Variants in TYW5 observed in about 807,000 individuals in gnomAD.
TYW5 encodes the protein tRNA-yW synthesizing protein 5.
TYW5 carries 36 observed loss-of-function variants against 44.4 expected under a neutral mutation model. The observed-to-expected ratio is 0.81, with a 90% CI of 0.62 to 1.07. TYW5 has a LOEUF of 1.07. Among genes scored for constraint, TYW5 ranks in the 50% least tolerant of loss-of-function variants. TYW5 has a pLI of 0.00. For missense variants in TYW5, 354 were observed against 365.7 expected, an observed-to-expected ratio of 0.97 and a Z score of 0.26; for synonymous variants, 121 against 128.1, an observed-to-expected ratio of 0.94 and a Z score of 0.37.
intron 5 of TYW5, among the ~76,000 whole-genome samples, chr2:199,938,517 A>G (rs559282556): frequency 6.6e-5 from 10 of 152,332 alleles, no homozygotes; most frequent in African/African-American, 2.2e-4. Context: ...CCTGAATAAC[A>G]TAACTTTGCA....
In TYW5 at chr2:199,954,433, T is replaced by TTTTG. The variant is rs755763694; in HGVS notation, c.78+956_78+959dup. Among the ~76,000 whole-genome samples, 4 of 151,594 alleles carry TTTTG rather than the reference T, an allele frequency of 2.6e-5. No homozygotes were observed. In the East Asian group the frequency reaches 7.8e-4, roughly 30 times the overall value. ...ACTTTTGTAACACTCAGAATTGTAGTTTTGTTTGTTTGTTTGAGACCGAGT... is the reference window on the plus strand; with the variant it reads ...ACTTTTGTAACACTCAGAATTGTAGTTTTGTTTGTTTGTTTGTTTGAGACCGAGT... On this transcript the variant is annotated intron_variant, in intron 1 of 7. Coordinates refer to ENST00000354611, the MANE Select transcript of TYW5 (RefSeq NM_001039693.3).
At chr2:199,935,692 A>AT (rs1300787821) in intron 7 of TYW5, among the ~76,000 whole-genome samples, 1 of 149,546 alleles carries the variant, frequency 6.7e-6, no homozygotes, top group Non-Finnish European at 1.5e-5. Flanking sequence ...CTGTTAACTT[A>AT]TAATAAGTTT....
intron 5 of TYW5, among the ~76,000 whole-genome samples, chr2:199,938,730 T>C (rs2077440961): frequency 6.6e-6 from 1 of 152,218 alleles, no homozygotes; most frequent in South Asian, 2.1e-4. Flanking sequence ...GAAATACAAA[T>C]GTGAGGAACC....
intron 2 of TYW5, chr2:199,946,581 A>G (rs1487932470): frequency 6.6e-6 from 1 of 152,214 alleles, no homozygotes; most frequent in Non-Finnish European, 1.5e-5. Context: ...ACTACCAATA[A>G]GAAAGAAGTA....
chr2:199,942,848 T>C (rs2077475594), intron 3 of TYW5: 1 of 146,098 alleles, frequency 6.8e-6, no homozygotes, highest in Admixed American at 7.3e-5. Flanking sequence ...AATGTGCTTT[T>C]GAATAACACA....
At chr2:199,955,171 C>T in intron 1 of TYW5, 1 of 532,792 alleles carries the variant, frequency 1.9e-6, no homozygotes, top group Non-Finnish European at 3.3e-6. Flanking sequence ...CATCATCTTG[C>T]TCCCCAGAAA....
At chr2:199,933,785 G>A (rs768434638) in intron 7 of TYW5, among the ~76,000 whole-genome samples, 11 of 152,026 alleles carry the variant, frequency 7.2e-5, no homozygotes, top group Non-Finnish European at 1.3e-4. Flanking sequence ...TTCAAGCTGC[G>A]ATTTGGTTTT....
intron 2 of TYW5, chr2:199,947,985 G>A (rs574921418): frequency 4.8e-5 from 10 of 206,776 alleles, no homozygotes; most frequent in South Asian, 3.6e-4. Flanking sequence ...CCAGCTACTC[G>A]GGAGGCTGAG....
Position 199,936,388 on chromosome 2 carries a change from TA to T in TYW5, c.574+16del, listed in dbSNP as rs769440901. 25 of 1,594,902 alleles carry T rather than the reference TA, an allele frequency of 1.6e-5. No individual in the cohort carries two copies. The highest frequency in any genetic ancestry group is 2.7e-5 in the African/African-American group (2 of 73,762). On this transcript the variant is annotated intron_variant, in intron 6 of 7. Transcript: ENST00000354611. ...TGAATAGACTTTTGAAATATAAACT[TA>T]AAAAAAATCCCATACCTTTTAAATA...
intron 2 of TYW5, chr2:199,947,316 G>C (rs748863252): frequency 1.3e-5 from 2 of 152,160 alleles, no homozygotes; most frequent in Non-Finnish European, 2.9e-5. Context: ...CTCAGAGTTT[G>C]AGAGCTGTTT....
At chr2:199,952,144 G>A (rs923357379) in intron 1 of TYW5, among the ~76,000 whole-genome samples, 18 of 151,650 alleles carry the variant, frequency 1.2e-4, no homozygotes, top group East Asian at 1.9e-4. Context: ...AATTATTCTC[G>A]CCTGCATAAG....
At chr2:199,938,858 G>A in intron 5 of TYW5, 75 bp downstream of exon 5, 1 of 1,452,064 alleles carries the variant, frequency 6.9e-7, no homozygotes. Flanking sequence ...CCTATAGGAA[G>A]TTGAAACTGT....
At chr2:199,936,554 G>A (rs1005984493) in intron 5 of TYW5, 62 bp from the exon 6 acceptor site, 2 of 1,413,990 alleles carry the variant, frequency 1.4e-6, no homozygotes, top group South Asian at 1.2e-5. Context: ...TAGAACCAAT[G>A]GCATGCTAAA....
At chr2:199,942,179 G>C (rs961462647) in intron 3 of TYW5, 1 of 151,724 alleles carries the variant, frequency 6.6e-6, no homozygotes, top group Non-Finnish European at 1.5e-5. Context: ...CCATTCTCCT[G>C]CCTCAGCCTC....
chr2:199,929,588 T>C lies in TYW5; in HGVS notation c.*3479A>G, dbSNP rs2077358077. Reference sequence around the variant, plus strand: ...TTTTTTTTTTTGTCAACTCCTTTGATGTCTGTTGGCAACTTTTTATAGGTG... The same window carrying C: ...TTTTTTTTTTTGTCAACTCCTTTGACGTCTGTTGGCAACTTTTTATAGGTG... On this transcript the variant is annotated 3_prime_UTR_variant, in exon 8 of 8. Coordinates refer to ENST00000354611, the MANE Select transcript of TYW5 (RefSeq NM_001039693.3). Among the ~76,000 whole-genome samples the C allele has an allele frequency of 6.7e-6, 1 of 149,984 alleles. No homozygotes were observed. Among genetic ancestry groups the C allele is most frequent in the Non-Finnish European group, 1.5e-5 (1 of 67,662 alleles).
intron 3 of TYW5, among the ~76,000 whole-genome samples, chr2:199,940,849 T>C (rs1306636237): frequency 6.6e-6 from 1 of 152,128 alleles, no homozygotes; most frequent in Non-Finnish European, 1.5e-5. Context: ...ACTTAGTAAA[T>C]ATAAATGTAC....
At chr2:199,955,209 AGAG>A (rs1225886221) in intron 1 of TYW5, 181 bp downstream of exon 1, 2 of 583,028 alleles carry the variant, frequency 3.4e-6, no homozygotes, top group Non-Finnish European at 5.9e-6. Flanking sequence ...AAATTTCAAT[AGAG>A]GAGCCAGTCG....
chr2:199,940,190 A>C, intron 3 of TYW5, 57 bp from the exon 4 acceptor site: 2 of 1,503,250 alleles, frequency 1.3e-6, no homozygotes, highest in South Asian at 2.3e-5. Flanking sequence ...CAAATGTAAA[A>C]ATACTAGGAT....
chr2:199,939,756 A>G (rs1405047980), intron 4 of TYW5, among the ~76,000 whole-genome samples: 2 of 152,232 alleles, frequency 1.3e-5, no homozygotes, highest in Non-Finnish European at 2.9e-5. Flanking sequence ...GTCAAAACTT[A>G]TACAATGAAC....
Sources: allele counts gnomAD v4.1 joint callset (sites outside exome capture counted in the v4.1 genomes callset), GRCh38; gene constraint gnomAD v4.1.1; transcripts MANE v1.5; gene names NCBI Gene and HGNC (gene_info 2026-07-23, HGNC 2026-07-21).